Variants in TAFA5 observed in about 807,000 individuals in gnomAD.
The protein encoded by TAFA5 is chemokine-like protein TAFA-5.
TAFA5 carries 6 observed loss-of-function variants against 15.3 expected under a neutral mutation model. That is an observed-to-expected ratio of 0.39 (90% CI 0.21 to 0.77). The LOEUF is 0.77. Ranked by LOEUF, TAFA5 falls within the 30% of genes least tolerant of loss-of-function variation. TAFA5 has a pLI of 0.41. For missense variants in TAFA5, 161 were observed against 193.1 expected, an observed-to-expected ratio of 0.83 and a Z score of 0.98; for synonymous variants, 103 against 80.7, an observed-to-expected ratio of 1.28 and a Z score of -1.48.
At chr22:48,733,527 G>C (rs1929925168) in intron 3 of TAFA5, among the ~76,000 whole-genome samples, 1 of 152,252 alleles carries the variant, frequency 6.6e-6, no homozygotes, top group South Asian at 2.1e-4. Flanking sequence ...ATCAGTGTGT[G>C]ATATGAGAAA....
At chr22:48,633,375 T>C (rs1011936478) in intron 1 of TAFA5, among the ~76,000 whole-genome samples, 1 of 151,906 alleles carries the variant, frequency 6.6e-6, no homozygotes, top group Admixed American at 6.6e-5. Context: ...GGAGCATGGG[T>C]GTGTTTGTGG....
At position 48,635,515 on chromosome 22, in the gene TAFA5, G is replaced by A. The variant is rs181923480; in HGVS notation, c.113-11082G>A. ...CGTGAGGGTGTCTGTCTTCCCAGGC[G>A]TCACTGCGCAGCGCATTTCAGGGGC... On this transcript the variant is annotated intron_variant, in intron 1 of 3. Coordinates refer to ENST00000402357, the MANE Select transcript of TAFA5 (RefSeq NM_001082967.3). Among the ~76,000 whole-genome samples the A allele has an allele frequency of 3.1e-4, 47 of 152,336 alleles. 1 individual carries two copies. In the East Asian group the frequency reaches 8.3e-3, roughly 27 times the overall value.
rs145711649 is a variant in TAFA5, at chr22:48,669,461, C to T, written c.262+22715C>T. 3.6e-3 allele frequency among the ~76,000 whole-genome samples: 549 copies of T among 152,350 alleles called. 6 individuals are homozygous for T. The highest frequency in any genetic ancestry group is 0.012 in the African/African-American group (516 of 41,584). On this transcript the variant is annotated intron_variant, in intron 2 of 3. Transcript: ENST00000402357. ...CTAGAAGGTCAGGTGCCCATGTCTC[C>T]GCCTCAGTAGGGCTGCATCCCAGGC...
At position 48,749,822 on chromosome 22, in the gene TAFA5, C is replaced by G; in HGVS notation, c.391-17C>G. ...CGTCTGCAGGAGGCTCACCCTCTCT[C>G]TCTCTTTGCTCCTCAGGTCTCCTGA... On this transcript the variant is annotated splice_polypyrimidine_tract_variant and intron_variant, in intron 3 of 3. Transcript: ENST00000402357. 1 of 1,561,098 alleles carries G rather than the reference C, an allele frequency of 6.4e-7. No individual in the cohort carries two copies. The highest frequency in any genetic ancestry group is 8.7e-7 in the Non-Finnish European group (1 of 1,151,930).
rs199726140 is a variant in TAFA5, at chr22:48,707,814, G to T, written c.360G>T (p.Thr120=). 2.2e-5 allele frequency: 35 copies of T among 1,613,728 alleles called. No individual in the cohort carries two copies. In the African/African-American group the frequency reaches 4.5e-4, roughly 21 times the overall value. ...TCAACCGGTCAGGCTGGACGTGCAC[G>T]CAGCCCGGCGGGAGGATAAAGACCA... ...LLINRSGWTC[T]QPGGRIKTTT... The change falls in exon 3 of 4, where the codon ACG becomes ACT. Residue 120 remains threonine, a synonymous_variant. Transcript: ENST00000402357.
intron 1 of TAFA5, among the ~76,000 whole-genome samples, chr22:48,531,473 A>C (rs957775931): frequency 1.8e-4 from 28 of 152,182 alleles, no homozygotes; most frequent in Non-Finnish European, 1.5e-5. Flanking sequence ...GGGATCTGGC[A>C]GACTTCGAGG....
chr22:48,544,081 A>C (rs186447867), intron 1 of TAFA5: 1 of 154,520 alleles, frequency 6.5e-6, no homozygotes, highest in Non-Finnish European at 1.4e-5. Context: ...GGTGGGCTGC[A>C]GAGACCACCT....
rs929295957 is a variant in TAFA5, at chr22:48,550,254, C to T, written c.112+60550C>T. ...TTGGCTCCAGGGCCTGGGCAGATGG[C>T]GCATCTGGCCGGGATAAGGTGTAGG... On this transcript the variant is annotated intron_variant, in intron 1 of 3. Transcript: ENST00000402357. This position sits in a 1 kb window ranked among gnomAD's most constrained non-coding sequence, Gnocchi z 4.1. Among the ~76,000 whole-genome samples, 3 of 152,312 alleles carry T rather than the reference C, an allele frequency of 2.0e-5. No homozygotes were observed. The highest frequency in any genetic ancestry group is 4.1e-4 in the South Asian group (2 of 4,824).
intron 1 of TAFA5, among the ~76,000 whole-genome samples, chr22:48,563,623 C>G (rs1192807465): frequency 6.6e-6 from 1 of 152,226 alleles, no homozygotes; most frequent in Admixed American, 6.5e-5. Flanking sequence ...CTGCTGGGCT[C>G]TCTGCCCCTC....
At chr22:48,722,782 C>T (rs1929608228) in intron 3 of TAFA5, among the ~76,000 whole-genome samples, 2 of 151,876 alleles carry the variant, frequency 1.3e-5, no homozygotes, top group Non-Finnish European at 2.9e-5. Context: ...GCCGGGGGTA[C>T]ATCCTAACAG....
At chr22:48,661,303 C>T (rs1342107854) in intron 2 of TAFA5, among the ~76,000 whole-genome samples, 1 of 152,180 alleles carries the variant, frequency 6.6e-6, no homozygotes, top group Non-Finnish European at 1.5e-5. Context: ...GTCTTGCCTG[C>T]TGGAACCTTG....
At chr22:48,715,672 A>G (rs1950832431) in intron 3 of TAFA5, among the ~76,000 whole-genome samples, 1 of 152,024 alleles carries the variant, frequency 6.6e-6, no homozygotes. Context: ...CCTGCTGGAG[A>G]GAAGAGGGGA....
At chr22:48,640,475 G>C (rs1404121334) in intron 1 of TAFA5, among the ~76,000 whole-genome samples, 1 of 152,182 alleles carries the variant, frequency 6.6e-6, no homozygotes, top group Admixed American at 6.5e-5. Context: ...CGGGGAGTGT[G>C]CTTCTAAGGG....
chr22:48,649,758 G>T (rs953821174), intron 2 of TAFA5, among the ~76,000 whole-genome samples: 1 of 152,138 alleles, frequency 6.6e-6, no homozygotes, highest in Non-Finnish European at 1.5e-5. Context: ...ACACTGATGC[G>T]TCTCAAGACT....
intron 1 of TAFA5, among the ~76,000 whole-genome samples, chr22:48,579,739 C>G (rs1034486514): frequency 1.3e-5 from 2 of 152,220 alleles, no homozygotes; most frequent in Non-Finnish European, 2.9e-5. Flanking sequence ...GGTGTGGAAG[C>G]TTAATGTAAA....
At chr22:48,681,669 AAAG>A (rs1409954444) in intron 2 of TAFA5, among the ~76,000 whole-genome samples, 17 of 151,596 alleles carry the variant, frequency 1.1e-4, no homozygotes, top group African/African-American at 3.6e-4. Flanking sequence ...AAAAAAAAGA[AAAG>A]AAAAAAGAAA....
intron 2 of TAFA5, among the ~76,000 whole-genome samples, chr22:48,677,935 C>T (rs1036358039): frequency 6.6e-6 from 1 of 152,056 alleles, no homozygotes; most frequent in African/African-American, 2.4e-5. Flanking sequence ...ATCCTCACCC[C>T]CAGACCTTCC....
Position 48,720,741 on chromosome 22 carries a change from C to T in TAFA5, c.390+12897C>T, listed in dbSNP as rs575115355. Among the ~76,000 whole-genome samples, 19 of 146,690 alleles carry T rather than the reference C, an allele frequency of 1.3e-4. No individual in the cohort carries two copies. In the South Asian group the frequency reaches 3.8e-3, roughly 30 times the overall value. ...TGCCTTGGTCCCCACCACGCTGGCA[C>T]CTGGGCACGGAGCCTCCACAGGGTT... On this transcript the variant is annotated intron_variant, in intron 3 of 3. Coordinates refer to ENST00000402357, the MANE Select transcript of TAFA5 (RefSeq NM_001082967.3).
At position 48,655,844 on chromosome 22, in the gene TAFA5, T is replaced by TTG. The variant is rs1275283984; in HGVS notation, c.262+9099_262+9100insGT. On this transcript the variant is annotated intron_variant, in intron 2 of 3. Coordinates refer to ENST00000402357, the MANE Select transcript of TAFA5 (RefSeq NM_001082967.3). Reference sequence around the variant, plus strand: ...AAACACTGATTCTTTTTTTTTTTTTTTTTTTTTTTTTTTGAGACAGAGTCT... The same window carrying TTG: ...AAACACTGATTCTTTTTTTTTTTTTTTGTTTTTTTTTTTTTGAGACAGAGTCT... 1.1e-4 allele frequency among the ~76,000 whole-genome samples: 15 copies of TTG among 137,090 alleles called. 1 individual carries two copies. Among genetic ancestry groups the TTG allele is most frequent in the Non-Finnish European group, 2.2e-4 (14 of 64,088 alleles). 89.9% of individuals were successfully genotyped at this position (137,090 alleles called of 152,430 possible).
Sources: gnomAD v4.1 joint callset for allele counts (sites outside exome capture counted in the v4.1 genomes callset) on GRCh38, gnomAD v4.1.1 for gene constraint, Gnocchi (gnomAD v3.1) non-coding constraint, MANE v1.5 for transcripts, NCBI Gene and HGNC (gene_info 2026-07-23, HGNC 2026-07-21) for gene names.